The following CFAP221 variants were observed in gnomAD, a reference collection of about 807,000 sequenced individuals.
The protein encoded by CFAP221 is cilia- and flagella-associated protein 221.
CFAP221 carries 97 observed loss-of-function variants against 113.1 expected under a neutral mutation model. That is an observed-to-expected ratio of 0.86 (90% confidence interval 0.73 to 1.02). CFAP221 has a LOEUF of 1.02. CFAP221 is among the 50% of genes least tolerant of loss of function. The probability of loss-of-function intolerance (pLI) is 0.00; values close to 1 mark genes in which losing one functional copy is unlikely to be tolerated. For missense variants in CFAP221, 1,025 were observed against 1,013.4 expected (o/e 1.01, Z -0.16); for synonymous variants, 331 against 354.4 (o/e 0.93, Z 0.74).
rs1015938380 is a variant in CFAP221 at position 119,609,882 on chromosome 2, A to G, written c.1221+1293A>G. ...CTTTCCAGATTTGGAGTCCAACTAG[A>G]TATTTAAATAAATTTGTCTTATTTT... On this transcript the variant is annotated intron_variant, in intron 12 of 23. Coordinates refer to ENST00000413369, the MANE Select transcript of CFAP221 (RefSeq NM_001271049.2). Among the ~76,000 whole-genome samples, 6 of 152,204 alleles carry G rather than the reference A, an allele frequency of 3.9e-5. No individual in the cohort carries two copies. The East Asian group carries it at 9.6e-4, about 24-fold the overall frequency.
intron 6 of CFAP221, among the ~76,000 whole-genome samples, chr2:119,569,711 C>G (rs561842712): frequency 1.3e-5 from 2 of 150,882 alleles, no homozygotes; most frequent in East Asian, 3.9e-4. Context: ...CTTTATTTTT[C>G]TGTTTTAGAA....
At chr2:119,639,973 C>A in intron 21 of CFAP221, 101 bp downstream of exon 21, 2 of 979,790 alleles carry the variant, frequency 2.0e-6, no homozygotes, top group Non-Finnish European at 3.1e-6. Flanking sequence ...TCAAACCATA[C>A]TTTTAAAGCA....
chr2:119,593,830 T>C (rs1683762766), intron 7 of CFAP221, among the ~76,000 whole-genome samples: 2 of 150,618 alleles, frequency 1.3e-5, no homozygotes, highest in African/African-American at 2.4e-5. Flanking sequence ...AGAGCGAGAC[T>C]CAGTCTCAAA....
chr2:119,547,140 T>G (rs1680105519), intron 2 of CFAP221, among the ~76,000 whole-genome samples: 2 of 152,364 alleles, frequency 1.3e-5, no homozygotes, highest in South Asian at 4.1e-4. Context: ...TGGATATGCT[T>G]CTTTTGTCAC....
chr2:119,570,079 G>A (rs1006259335), intron 6 of CFAP221, among the ~76,000 whole-genome samples: 16 of 152,198 alleles, frequency 1.1e-4, no homozygotes, highest in Non-Finnish European at 7.3e-5. Context: ...ATCATGTACT[G>A]GGTAAAAGGA....
intron 6 of CFAP221, 98 bp downstream of exon 6, chr2:119,562,212 T>G: frequency 1.6e-6 from 1 of 642,028 alleles, no homozygotes; most frequent in Non-Finnish European, 2.4e-6. Context: ...TGGAAGTTCA[T>G]CCTTCCACCT....
chr2:119,592,376 A>G (rs1212959993), intron 7 of CFAP221, among the ~76,000 whole-genome samples: 1 of 152,250 alleles, frequency 6.6e-6, no homozygotes, highest in Non-Finnish European at 1.5e-5. Context: ...GTCTTCTTCA[A>G]CTGTGTGCCT....
At chr2:119,632,903 A>G (rs185973741) in intron 19 of CFAP221, among the ~76,000 whole-genome samples, 6 of 152,268 alleles carry the variant, frequency 3.9e-5, no homozygotes, top group African/African-American at 1.4e-4. Flanking sequence ...GCATCAAAAC[A>G]TGAAATATTT....
At chr2:119,631,788 A>C (rs1686791016) in intron 19 of CFAP221, among the ~76,000 whole-genome samples, 1 of 152,208 alleles carries the variant, frequency 6.6e-6, no homozygotes, top group South Asian at 2.1e-4. Context: ...GAAAAAAGGC[A>C]AAAGGCACAA....
chr2:119,618,418 G>A (rs1685672756), intron 14 of CFAP221, among the ~76,000 whole-genome samples: 2 of 152,170 alleles, frequency 1.3e-5, no homozygotes, highest in Admixed American at 1.3e-4. Flanking sequence ...TTTAGACAGT[G>A]GGTACAGCCC....
At chr2:119,583,730 G>A (rs1683006409) in intron 6 of CFAP221, among the ~76,000 whole-genome samples, 1 of 152,212 alleles carries the variant, frequency 6.6e-6, no homozygotes, top group Non-Finnish European at 1.5e-5. Flanking sequence ...ATTAGGAGGT[G>A]GGGCCTTTGG....
intron 6 of CFAP221, among the ~76,000 whole-genome samples, chr2:119,585,569 T>C (rs1209701721): frequency 6.6e-6 from 1 of 152,334 alleles, no homozygotes; most frequent in East Asian, 1.9e-4. Context: ...AGCTCAGTAG[T>C]AGATAAAGGG....
intron 6 of CFAP221, among the ~76,000 whole-genome samples, chr2:119,563,554 C>A (rs1280030907): frequency 6.6e-6 from 1 of 152,206 alleles, no homozygotes; most frequent in Non-Finnish European, 1.5e-5. Context: ...CACCTGCCTC[C>A]TCCCCATTGA....
In CFAP221 at chr2:119,561,889, G is replaced by A. The variant is rs372413595; in HGVS notation, c.427-125G>A. The stretch of plus-strand genomic sequence containing the variant: ...AGTATGTCTAATGTTGTAGTTAAGC[G>A]CTGAAGTTTCTTAAGGAAATATTTT... On this transcript the variant is annotated intron_variant, in intron 5 of 23. Coordinates refer to ENST00000413369, the MANE Select transcript of CFAP221 (RefSeq NM_001271049.2). The A allele has an allele frequency of 3.7e-4, 266 of 709,866 alleles. 3 individuals carry two copies. The highest frequency in any genetic ancestry group is 1.8e-3 in the South Asian group (102 of 56,906). The allele number at this position is 709,866 out of a possible 1,614,324, so 44.0% of individuals were successfully genotyped here.
chr2:119,580,282 C>A (rs946215566), intron 6 of CFAP221: 15 of 152,186 alleles, frequency 9.9e-5, no homozygotes, highest in Non-Finnish European at 1.6e-4. Flanking sequence ...ATGAAGTTTT[C>A]ATTTTACTGT....
chr2:119,605,559 C>A (rs1684679636), intron 11 of CFAP221, among the ~76,000 whole-genome samples: 1 of 152,156 alleles, frequency 6.6e-6, no homozygotes. Context: ...CCCCCTCACC[C>A]CCGGACAGAT....
At chr2:119,654,299 G>T (rs1250428480) in intron 23 of CFAP221, among the ~76,000 whole-genome samples, 1 of 152,078 alleles carries the variant, frequency 6.6e-6, no homozygotes, top group Non-Finnish European at 1.5e-5. Context: ...ATAGAATATT[G>T]TGTTCTGCTA....
chr2:119,564,653 G>A (rs921924211), intron 6 of CFAP221, among the ~76,000 whole-genome samples: 5 of 152,058 alleles, frequency 3.3e-5, no homozygotes, highest in Admixed American at 6.6e-5. Context: ...TGTAACCTGC[G>A]TTTTTCATTC....
chr2:119,560,167 A>G (rs1681140356), intron 5 of CFAP221, 141 bp downstream of exon 5: 1 of 680,894 alleles, frequency 1.5e-6, no homozygotes, highest in Admixed American at 2.8e-5. Flanking sequence ...CCAGGTCACC[A>G]GTGTGACTGG....
Sources: allele counts gnomAD v4.1 joint callset (sites outside exome capture counted in the v4.1 genomes callset), GRCh38; gene constraint gnomAD v4.1.1; transcripts MANE v1.5; gene names NCBI Gene and HGNC (gene_info 2026-07-23, HGNC 2026-07-21).